HLA-DPA1: variants seen among roughly 807,000 people sequenced by gnomAD.
HLA-DPA1 encodes the protein HLA class II histocompatibility antigen, DP alpha 1 chain.
HLA-DPA1 carries 20 observed loss-of-function variants against 21.5 expected under a neutral mutation model. That is an observed-to-expected ratio of 0.93 (90% CI 0.66 to 1.35). HLA-DPA1 has a LOEUF of 1.35. Ranked by LOEUF, HLA-DPA1 falls within the 40% of genes most tolerant of loss-of-function variation. The pLI, the probability that HLA-DPA1 is intolerant of heterozygous loss-of-function variation, is 0.00. For synonymous variants in HLA-DPA1, 123 were observed against 129.6 expected (o/e 0.95, Z 0.35); for missense variants, 279 against 323.0 (o/e 0.86, Z 1.05).
At chr6:33,075,946 T>C (rs1762512228) in intron 1 of HLA-DPA1, 1 of 886,844 alleles carries the variant, frequency 1.1e-6, no homozygotes, top group African/African-American at 1.7e-5. Context: ...ACTACTTGGG[T>C]TCATGGTCTC....
intron 2 of HLA-DPA1, 30 bp downstream of exon 1, chr6:33,073,441 C>T (rs750949934): frequency 6.2e-6 from 9 of 1,451,484 alleles, no homozygotes; most frequent in South Asian, 1.1e-5. Context: ...TCACTCACCC[C>T]GACGCTCCTG....
intron 1 of HLA-DPA1, chr6:33,079,831 A>T: frequency 2.4e-6 from 1 of 422,416 alleles, no homozygotes; most frequent in Non-Finnish European, 4.6e-6. Flanking sequence ...CAACCCCAGT[A>T]CCAGGGTGCA....
chr6:33,069,366 G>A (rs1762140372), intron 3 of HLA-DPA1, 66 bp from the exon 3 acceptor site: 1 of 1,472,870 alleles, frequency 6.8e-7, no homozygotes, highest in Admixed American at 1.8e-5. Flanking sequence ...CCACCTCTTA[G>A]GGGAGGGTGG....
chr6:33,065,764 CAA>C (rs35887191), intron 5 of HLA-DPA1: 1 of 151,914 alleles, frequency 6.6e-6, no homozygotes, highest in East Asian at 1.9e-4. Flanking sequence ...GAAAGGATTT[CAA>C]AAACCAAGGT....
At chr6:33,075,926 G>T in intron 1 of HLA-DPA1, 1 of 722,660 alleles carries the variant, frequency 1.4e-6, no homozygotes. Context: ...CAATCCCAGG[G>T]TCACAGAAGA....
intron 2 of HLA-DPA1, 53 bp downstream of exon 1, chr6:33,073,418 G>C: frequency 1.1e-6 from 1 of 890,780 alleles, no homozygotes; most frequent in Non-Finnish European, 1.7e-6. Context: ...AGCAATTGAT[G>C]TGAACCACCC....
At chr6:33,077,848 C>T (rs550646509) in intron 1 of HLA-DPA1, among the ~76,000 whole-genome samples, 2 of 152,216 alleles carry the variant, frequency 1.3e-5, no homozygotes, top group Non-Finnish European at 2.9e-5. Flanking sequence ...CTGAATACAG[C>T]CCCTCAAGCC....
chr6:33,069,474 G>C, intron 3 of HLA-DPA1, 167 bp downstream of exon 2: 1 of 1,046,594 alleles, frequency 9.6e-7, no homozygotes, highest in Non-Finnish European at 1.4e-6. Flanking sequence ...TCTCTCTCCT[G>C]AGAAGAGAGG....
chr6:33,068,605 A>C, intron 5 of HLA-DPA1, 33 bp downstream of exon 4: 1 of 1,536,480 alleles, frequency 6.5e-7, no homozygotes, highest in African/African-American at 1.5e-5. Context: ...CTTACATTCT[A>C]CAAATCCTAG....
chr6:33,079,664 C>A, intron 1 of HLA-DPA1: 1 of 480,472 alleles, frequency 2.1e-6, no homozygotes. Context: ...AAACATGCTG[C>A]CCAGTGGCTT....
intron 1 of HLA-DPA1, among the ~76,000 whole-genome samples, chr6:33,077,610 C>A (rs1762610723): frequency 6.6e-6 from 1 of 152,284 alleles, no homozygotes; most frequent in South Asian, 2.1e-4. Flanking sequence ...GTTGGTGGGA[C>A]TGTAAACTAG....
At chr6:33,066,336 T>C (rs6899851) in intron 5 of HLA-DPA1, 45,367 of 151,900 alleles carry the variant, frequency 0.3, 9,103 homozygotes, top group East Asian at 0.69. Context: ...AAGGAGACAC[T>C]ACTAACCTAT....
intron 1 of HLA-DPA1, among the ~76,000 whole-genome samples, chr6:33,077,993 G>A (rs116358647): frequency 0.022 from 3,285 of 152,232 alleles, 48 homozygotes; most frequent in Middle Eastern, 0.078. Context: ...GGGTGAGGCT[G>A]GGGAGAGAGG....
chr6:33,071,820 C>A (rs1762295858), intron 2 of HLA-DPA1, among the ~76,000 whole-genome samples: 1 of 151,788 alleles, frequency 6.6e-6, no homozygotes. Context: ...TCAGGGAAGA[C>A]AGCCTGACCG....
chr6:33,068,760 G>A (rs1762094718), exon 5 of HLA-DPA1: 1 of 1,613,020 alleles, frequency 6.2e-7, no homozygotes, highest in Non-Finnish European at 8.5e-7. Context: ...AGGGCACAGA[G>A]CACAGTCTCC....
chr6:33,073,561 C>T (rs1762392121), exon 2 of HLA-DPA1: 2 of 1,612,230 alleles, frequency 1.2e-6, no homozygotes, highest in African/African-American at 1.3e-5. Context: ...ATTCTGTCTT[C>T]AGGGCGCATG....
At chr6:33,072,167 G>A (rs763213218) in intron 2 of HLA-DPA1, among the ~76,000 whole-genome samples, 3 of 152,320 alleles carry the variant, frequency 2.0e-5, no homozygotes, top group South Asian at 4.1e-4. Flanking sequence ...AATGTTATTA[G>A]TAACTCAAGT....
chr6:33,069,782 T>C, exon 3 of HLA-DPA1: 1 of 1,612,292 alleles, frequency 6.2e-7, no homozygotes, highest in Non-Finnish European at 8.5e-7. Flanking sequence ...GTCTCCTTCT[T>C]GTCCAGATCC....
intron 5 of HLA-DPA1, chr6:33,066,299 C>T (rs68172213): frequency 0.29 from 43,986 of 151,928 alleles, 8,408 homozygotes; most frequent in East Asian, 0.69. Context: ...CACAGGCCCA[C>T]CTATAATGGG....
Sources: gnomAD v4.1 joint callset for allele counts (sites outside exome capture counted in the v4.1 genomes callset) on GRCh38, gnomAD v4.1.1 for gene constraint, MANE v1.5 for transcripts, NCBI Gene and HGNC (gene_info 2026-07-23, HGNC 2026-07-21) for gene names.